GRXCR1: variants seen among roughly 807,000 people sequenced by gnomAD.
GRXCR1 encodes glutaredoxin domain-containing cysteine-rich protein 1.
In GRXCR1, 27 loss-of-function variants were observed where a neutral mutation model predicts 27.3. The ratio of observed to expected loss-of-function variants is 0.99; its 90% CI spans 0.73 to 1.37. The LOEUF (loss-of-function observed/expected upper bound fraction) is 1.37. Ranked by LOEUF, GRXCR1 falls within the 40% of genes most tolerant of loss-of-function variation. The pLI is 0.00. For missense variants in GRXCR1, 379 were observed against 354.4 expected, an observed-to-expected ratio of 1.07 and a Z score of -0.56; for synonymous variants, 122 against 131.1, an observed-to-expected ratio of 0.93 and a Z score of 0.47.
chr4:42,910,344 G>T (rs934043691), intron 1 of GRXCR1, among the ~76,000 whole-genome samples: 2 of 152,136 alleles, frequency 1.3e-5, no homozygotes, highest in South Asian at 2.1e-4. Context: ...TTGATCCTGC[G>T]TCTCTCCAGG....
chr4:42,992,891 A>G (rs576125303), intron 2 of GRXCR1, among the ~76,000 whole-genome samples: 270 of 152,236 alleles, frequency 1.8e-3, no homozygotes, highest in Non-Finnish European at 3.0e-3. Context: ...TATACTTTTC[A>G]TTGTTTACAT....
At chr4:42,943,044 TA>T (rs1747660030) in intron 1 of GRXCR1, among the ~76,000 whole-genome samples, 2 of 152,062 alleles carry the variant, frequency 1.3e-5, no homozygotes, top group African/African-American at 4.8e-5. Context: ...GGCAAGTTAA[TA>T]AATGAATCGC....
intron 2 of GRXCR1, among the ~76,000 whole-genome samples, chr4:42,988,306 G>T (rs1234499987): frequency 6.6e-6 from 1 of 152,122 alleles, no homozygotes; most frequent in Non-Finnish European, 1.5e-5. Context: ...CCATCTGAGA[G>T]CACTGATGCA....
At chr4:43,008,907 A>C (rs1387406366) in intron 2 of GRXCR1, among the ~76,000 whole-genome samples, 1 of 152,222 alleles carries the variant, frequency 6.6e-6, no homozygotes, top group Non-Finnish European at 1.5e-5. Flanking sequence ...CTTGAAGAGC[A>C]TCTTATTAAA....
At chr4:42,918,218 A>G (rs1336923112) in intron 1 of GRXCR1, among the ~76,000 whole-genome samples, 1 of 152,064 alleles carries the variant, frequency 6.6e-6, no homozygotes, top group Middle Eastern at 3.2e-3. Flanking sequence ...TTCACAAGGC[A>G]GAAGAGCAAA....
chr4:42,934,291 A>G (rs1747404135), intron 1 of GRXCR1, among the ~76,000 whole-genome samples: 1 of 151,004 alleles, frequency 6.6e-6, no homozygotes, highest in Non-Finnish European at 1.5e-5. Context: ...AGCATATCCG[A>G]AGTACTGTTT....
Position 42,898,688 on chromosome 4 carries a change from G to A in GRXCR1, c.384+5038G>A, listed in dbSNP as rs531585733. Among the ~76,000 whole-genome samples the A allele has an allele frequency of 1.7e-3, 251 of 152,112 alleles. 1 individual carries two copies. The highest frequency in any genetic ancestry group is 5.7e-3 in the African/African-American group (235 of 41,536). ...GATATTTATTCCTTACAACAACCCT[G>A]TGAGGTATATTACTATTAATCAATT... is the stretch of plus-strand genomic sequence containing the variant. On this transcript the variant is annotated intron_variant, in intron 1 of 3. Transcript: ENST00000399770.
intron 2 of GRXCR1, among the ~76,000 whole-genome samples, chr4:42,996,849 G>T (rs906605575): frequency 6.6e-6 from 1 of 151,716 alleles, no homozygotes; most frequent in Non-Finnish European, 1.5e-5. Context: ...TAAAAGACAC[G>T]TTAGTAATTA....
intron 1 of GRXCR1, among the ~76,000 whole-genome samples, chr4:42,952,425 C>A (rs888574428): frequency 3.3e-5 from 5 of 152,174 alleles, no homozygotes; most frequent in Admixed American, 3.3e-4. Flanking sequence ...AAAGCACCAA[C>A]AAAGCTGACT....
intron 2 of GRXCR1, among the ~76,000 whole-genome samples, chr4:42,965,092 G>A (rs2109776260): frequency 6.6e-6 from 1 of 152,156 alleles, no homozygotes; most frequent in Non-Finnish European, 1.5e-5. Context: ...CACTACTTCT[G>A]AGACAATATA....
At chr4:43,028,818 C>T (rs1410192020) in intron 3 of GRXCR1, among the ~76,000 whole-genome samples, 1 of 152,110 alleles carries the variant, frequency 6.6e-6, no homozygotes, top group Non-Finnish European at 1.5e-5. Context: ...AACAAAGTGA[C>T]CAAATTGCTG....
chr4:42,893,131 C>A lies in GRXCR1; in HGVS notation c.-136C>A, dbSNP rs1577894310. 1.1e-6 allele frequency: 1 copy of A among 933,224 alleles called. No individual in the cohort carries two copies. Among genetic ancestry groups the A allele is most frequent in the East Asian group, 2.4e-5 (1 of 41,268 alleles). The allele number at this position is 933,224 out of a possible 1,614,324, so 57.8% of individuals were successfully genotyped here. Reference sequence around the variant, plus strand: ...CACACTGTAAGTCCTTGGGAATCTTCTTTCCTTTTGATGTTAGTTTCACAG... The same window carrying A: ...CACACTGTAAGTCCTTGGGAATCTTATTTCCTTTTGATGTTAGTTTCACAG... On this transcript the variant is annotated 5_prime_UTR_variant, in exon 1 of 4. Transcript: ENST00000399770.
intron 2 of GRXCR1, among the ~76,000 whole-genome samples, chr4:43,015,168 G>A (rs1020492088): frequency 1.3e-5 from 2 of 152,128 alleles, no homozygotes; most frequent in African/African-American, 4.8e-5. Flanking sequence ...TTCAGGGTAT[G>A]AGAAGCTTAT....
intron 2 of GRXCR1, among the ~76,000 whole-genome samples, chr4:42,982,928 T>C (rs1419523230): frequency 2.0e-5 from 3 of 152,086 alleles, no homozygotes; most frequent in African/African-American, 7.2e-5. Flanking sequence ...TAAATTTGTT[T>C]GAGTTCATTG....
intron 1 of GRXCR1, among the ~76,000 whole-genome samples, chr4:42,913,638 C>T (rs535621770): frequency 6.6e-6 from 1 of 152,278 alleles, no homozygotes; most frequent in Non-Finnish European, 1.5e-5. Context: ...GCAATTCAAG[C>T]CTTCTGCAGA....
At chr4:42,975,340 T>G (rs1577927724) in intron 2 of GRXCR1, among the ~76,000 whole-genome samples, 1 of 152,106 alleles carries the variant, frequency 6.6e-6, no homozygotes, top group South Asian at 2.1e-4. Flanking sequence ...AAGGCTGTGG[T>G]TAAATTGAGT....
intron 2 of GRXCR1, among the ~76,000 whole-genome samples, chr4:42,987,985 C>A (rs1243540760): frequency 6.6e-6 from 1 of 152,168 alleles, no homozygotes; most frequent in Non-Finnish European, 1.5e-5. Context: ...GAGAATCCCT[C>A]CTTGCTCTTC....
intron 1 of GRXCR1, among the ~76,000 whole-genome samples, chr4:42,942,279 T>TA (rs1747642947): frequency 6.6e-6 from 1 of 152,090 alleles, no homozygotes; most frequent in African/African-American, 2.4e-5. Flanking sequence ...GAAGTTTATT[T>TA]AAAAATCAGA....
chr4:42,989,647 T>C (rs1214722641), intron 2 of GRXCR1, among the ~76,000 whole-genome samples: 1 of 152,180 alleles, frequency 6.6e-6, no homozygotes, highest in Non-Finnish European at 1.5e-5. Flanking sequence ...TCCACTTACA[T>C]CAAGCATATC....
Sources: allele counts gnomAD v4.1 joint callset (sites outside exome capture counted in the v4.1 genomes callset), GRCh38; gene constraint gnomAD v4.1.1; transcripts MANE v1.5; gene names NCBI Gene and HGNC (gene_info 2026-07-23, HGNC 2026-07-21).